Variants in SLC25A26 observed in about 807,000 individuals in gnomAD.
SLC25A26 encodes the protein solute carrier family 25 member 26, also known as mitochondrial S-adenosylmethionine carrier protein.
In SLC25A26, 36 loss-of-function variants were observed where a neutral mutation model predicts 37.8. The ratio of observed to expected loss-of-function variants is 0.95; its 90% confidence interval spans 0.73 to 1.26. The LOEUF is 1.26. SLC25A26 is among the 50% of genes most tolerant of loss of function. The pLI, the probability that SLC25A26 is intolerant of heterozygous loss-of-function variation, is 0.00. For missense variants in SLC25A26, 390 were observed against 331.1 expected, an observed-to-expected ratio of 1.18 and a Z score of -1.38; for synonymous variants, 129 against 122.5, an observed-to-expected ratio of 1.05 and a Z score of -0.35.
At chr3:66,319,560 G>A (rs921688129) in intron 5 of SLC25A26, among the ~76,000 whole-genome samples, 2 of 151,938 alleles carry the variant, frequency 1.3e-5, no homozygotes, top group Admixed American at 6.6e-5. Flanking sequence ...CTTGTTTACT[G>A]TGACTATTTC....
At chr3:66,134,214 A>G (rs775076394) in intron 1 of SLC25A26, among the ~76,000 whole-genome samples, 1 of 152,192 alleles carries the variant, frequency 6.6e-6, no homozygotes, top group Non-Finnish European at 1.5e-5. Context: ...AACCTTTGAC[A>G]CTTTATTACA....
chr3:66,366,203 G>C (rs533969724), intron 7 of SLC25A26, among the ~76,000 whole-genome samples: 14 of 152,338 alleles, frequency 9.2e-5, no homozygotes, highest in Middle Eastern at 3.4e-3. Flanking sequence ...CACAAAAGCA[G>C]CCTGTAATTG....
intron 5 of SLC25A26, among the ~76,000 whole-genome samples, chr3:66,282,267 T>G: frequency 6.6e-6 from 1 of 152,150 alleles, no homozygotes; most frequent in South Asian, 2.1e-4. Context: ...CGCCTCGGCC[T>G]CCCAAAGTGC....
intron 5 of SLC25A26, among the ~76,000 whole-genome samples, chr3:66,267,740 C>G (rs1335560172): frequency 1.3e-5 from 2 of 152,210 alleles, no homozygotes; most frequent in African/African-American, 4.8e-5. Context: ...GTAATTCAAT[C>G]TGTTCAGTAA....
intron 1 of SLC25A26, among the ~76,000 whole-genome samples, chr3:66,141,734 G>A (rs190950957): frequency 5.1e-4 from 78 of 152,202 alleles, no homozygotes; most frequent in African/African-American, 1.8e-3. Flanking sequence ...GGCTGGTTTC[G>A]AACTCCCGAC....
At chr3:66,271,344 A>G (rs2073951884) in intron 5 of SLC25A26, among the ~76,000 whole-genome samples, 1 of 152,142 alleles carries the variant, frequency 6.6e-6, no homozygotes, top group African/African-American at 2.4e-5. Context: ...TACTGGTTAG[A>G]TGAGGGCAAG....
At chr3:66,301,032 C>G (rs1433883113) in intron 5 of SLC25A26, among the ~76,000 whole-genome samples, 2 of 152,048 alleles carry the variant, frequency 1.3e-5, no homozygotes, top group South Asian at 2.1e-4. Flanking sequence ...AATATTGGAC[C>G]AGTGTTTGAC....
At chr3:66,164,736 A>T (rs1189185419) in intron 1 of SLC25A26, among the ~76,000 whole-genome samples, 1 of 152,166 alleles carries the variant, frequency 6.6e-6, no homozygotes, top group Non-Finnish European at 1.5e-5. Flanking sequence ...ATTCTTAGCT[A>T]ATGGGCTATG....
intron 3 of SLC25A26, among the ~76,000 whole-genome samples, chr3:66,257,396 C>T (rs1371791082): frequency 6.6e-6 from 1 of 151,972 alleles, no homozygotes; most frequent in East Asian, 1.9e-4. Context: ...CAGGGAAACA[C>T]CTGGGAATTC....
intron 5 of SLC25A26, among the ~76,000 whole-genome samples, chr3:66,315,563 C>T (rs1316712690): frequency 6.6e-6 from 1 of 152,030 alleles, no homozygotes; most frequent in Non-Finnish European, 1.5e-5. Flanking sequence ...TTTAGAGTGC[C>T]ATGTGGCACC....
At chr3:66,163,033 A>G (rs1329434348) in intron 1 of SLC25A26, among the ~76,000 whole-genome samples, 1 of 152,168 alleles carries the variant, frequency 6.6e-6, no homozygotes, top group Non-Finnish European at 1.5e-5. Context: ...CTTTCTGAGG[A>G]GTGAACCGCA....
At chr3:66,257,548 G>A (rs1298131486) in intron 3 of SLC25A26, among the ~76,000 whole-genome samples, 1 of 152,134 alleles carries the variant, frequency 6.6e-6, no homozygotes, top group Non-Finnish European at 1.5e-5. Flanking sequence ...GCCTGGTAAA[G>A]GGAGGTAGTC....
intron 3 of SLC25A26, among the ~76,000 whole-genome samples, chr3:66,253,290 A>G (rs895285506): frequency 6.6e-6 from 1 of 151,718 alleles, no homozygotes; most frequent in African/African-American, 2.4e-5. Flanking sequence ...GGACGCCTGT[A>G]GTCCCAGCTA....
At chr3:66,253,663 A>G (rs2073184808) in intron 3 of SLC25A26, among the ~76,000 whole-genome samples, 2 of 152,156 alleles carry the variant, frequency 1.3e-5, no homozygotes, top group South Asian at 4.1e-4. Flanking sequence ...AGGAAGACCC[A>G]TTTTGGAATT....
chr3:66,213,091 G>A (rs914076394), intron 1 of SLC25A26, among the ~76,000 whole-genome samples: 7 of 152,212 alleles, frequency 4.6e-5, no homozygotes, highest in African/African-American at 1.7e-4. Context: ...GTTACCATTG[G>A]GAATTTCAAG....
At chr3:66,372,665 C>T (rs1700410390) in intron 9 of SLC25A26, among the ~76,000 whole-genome samples, 1 of 152,016 alleles carries the variant, frequency 6.6e-6, no homozygotes, top group South Asian at 2.1e-4. Flanking sequence ...CAGCAGCGGT[C>T]GTCACTTAAG....
At chr3:66,317,983 A>G (rs778992192) in intron 5 of SLC25A26, among the ~76,000 whole-genome samples, 28 of 152,172 alleles carry the variant, frequency 1.8e-4, no homozygotes, top group Non-Finnish European at 3.1e-4. Context: ...AAAACAGCCA[A>G]CTGGAGCTGC....
At chr3:66,364,148 TAAG>T (rs1463223397) in intron 7 of SLC25A26, among the ~76,000 whole-genome samples, 2 of 152,184 alleles carry the variant, frequency 1.3e-5, no homozygotes, top group African/African-American at 2.4e-5. Context: ...TGTGTTGAAA[TAAG>T]AACATATTCT....
At chr3:66,267,092 G>T in intron 5 of SLC25A26, among the ~76,000 whole-genome samples, 1 of 152,084 alleles carries the variant, frequency 6.6e-6, no homozygotes, top group East Asian at 1.9e-4. Flanking sequence ...TTTCTGGCGG[G>T]GAAACAAACA....
Sources: gnomAD v4.1 joint callset for allele counts (sites outside exome capture counted in the v4.1 genomes callset) on GRCh38, gnomAD v4.1.1 for gene constraint, MANE v1.5 for transcripts, NCBI Gene and HGNC (gene_info 2026-07-23, HGNC 2026-07-21) for gene names.